NOL9: variants seen among roughly 807,000 people sequenced by gnomAD.
NOL9 encodes polynucleotide 5'-hydroxyl-kinase NOL9.
NOL9 carries 28 observed loss-of-function variants against 67.9 expected under a neutral mutation model. The ratio of observed to expected loss-of-function variants is 0.41; its 90% CI spans 0.31 to 0.57. The LOEUF (loss-of-function observed/expected upper bound fraction) is 0.57, where lower values mean the gene tolerates loss of function less well. NOL9 is among the 20% of genes least tolerant of loss of function. The pLI, the probability that NOL9 is intolerant of heterozygous loss-of-function variation, is 0.25. For missense variants in NOL9, 777 were observed against 897.0 expected, an observed-to-expected ratio of 0.87 and a Z score of 1.71; for synonymous variants, 356 against 352.2, an observed-to-expected ratio of 1.01 and a Z score of -0.12.
Position 6,541,358 on chromosome 1 carries a change from T to C in NOL9, c.1075+472A>G, listed in dbSNP as rs541535661. Among the ~76,000 whole-genome samples the C allele has an allele frequency of 2.0e-5, 3 of 152,210 alleles. No homozygotes were observed. In the South Asian group the frequency reaches 6.2e-4, roughly 32 times the overall value. Reference sequence around the variant, plus strand: ...CACCATGCCCAGCTAATTTTTGTATTTGTAGTAGAGATGGGGTTTCCCCAT... The same window carrying C: ...CACCATGCCCAGCTAATTTTTGTATCTGTAGTAGAGATGGGGTTTCCCCAT... On this transcript the variant is annotated intron_variant, in intron 6 of 11. Transcript: ENST00000377705.
At position 6,533,288 on chromosome 1, in the gene NOL9, C is replaced by T; in HGVS notation, c.1229G>A (p.Trp410Ter). The change falls in exon 7 of 12, where the codon TGG (tryptophan) becomes TAG (stop). Residue 410 changes from tryptophan (W) to a stop codon, truncating the protein, a stop_gained. Coordinates refer to ENST00000377705, the MANE Select transcript of NOL9 (RefSeq NM_024654.5). LOFTEE classifies it high-confidence loss of function. ...ESPLIVNTMGWVSDQGLLLLI... is the reference protein window; with the variant it reads ...ESPLIVNTMG ...TGCACATGCAGGCTTACCTGAAACC[C>T]ATCCCATAGTGTTGACGATGAGAGG... is the stretch of plus-strand genomic sequence containing the variant. The T allele has an allele frequency of 6.3e-7, 1 of 1,596,486 alleles. No individual in the cohort carries two copies.
intron 10 of NOL9, 23 bp downstream of exon 10, chr1:6,528,971 A>G (rs1638955224): frequency 6.2e-7 from 1 of 1,611,490 alleles, no homozygotes; most frequent in African/African-American, 1.3e-5. Flanking sequence ...AGGTTTATGG[A>G]TATGTTTTAC....
chr1:6,533,372 T>C lies in NOL9; in HGVS notation c.1145A>G (p.Asn382Ser), dbSNP rs1250543755. 33 of 1,613,412 alleles carry C rather than the reference T, an allele frequency of 2.0e-5. No individual in the cohort carries two copies. Among genetic ancestry groups the C allele is most frequent in the Non-Finnish European group, 2.6e-5 (31 of 1,179,622 alleles). The change falls in exon 7 of 12, where the codon AAC (asparagine) becomes AGC (serine). Residue 382 changes from asparagine to serine, a missense_variant. By Grantham distance (46) the Asn-to-Ser change is conservative. Coordinates refer to ENST00000377705, the MANE Select transcript of NOL9 (RefSeq NM_024654.5). ...VYYGKPSCKN[N>S]YENYIDIVKY... ...CACTATGTCAATATAATTCTCATAG[T>C]TGTTTTTACAAGAAGGTTTCCCATA...
At position 6,526,014 on chromosome 1, in the gene NOL9, AAC is replaced by A. The variant is rs1464723593; in HGVS notation, c.1960-13_1960-12del. The A allele has an allele frequency of 1.2e-5, 19 of 1,612,410 alleles. No individual in the cohort carries two copies. The highest frequency in any genetic ancestry group is 3.3e-4 in the Middle Eastern group (2 of 6,082). On this transcript the variant is annotated splice_polypyrimidine_tract_variant and intron_variant, in intron 11 of 11. Transcript: ENST00000377705. ...CCCTTCGATCCCACGCTGAAACGGA[AAC>A]ACAGAGAATGCATGGAAACACTCCA...
rs776641506 is a variant in NOL9 at position 6,526,712 on chromosome 1, C to A, written c.1943G>T (p.Cys648Phe). ...AAGGCTCACCTGGCACTTAAGGACA[C>A]AATGTGGAATGGCAATAGCTCCAAC... ...LLVGAIAIPH[C>F]VLKCQRGIEG... Residue 648 changes from cysteine to phenylalanine, a missense_variant, in exon 11 of 12, where the codon TGT becomes TTT. Coordinates refer to ENST00000377705, the MANE Select transcript of NOL9 (RefSeq NM_024654.5). The A allele has an allele frequency of 1.2e-6, 2 of 1,613,204 alleles. No homozygotes were observed. The highest frequency in any genetic ancestry group is 4.5e-5 in the East Asian group (2 of 44,872).
intron 1 of NOL9, 62 bp downstream of exon 1, chr1:6,554,045 C>T: frequency 7.2e-7 from 1 of 1,386,942 alleles, no homozygotes; most frequent in Admixed American, 2.3e-5. Flanking sequence ...CTGCAGCTCT[C>T]CCGGGGCTGC....
chr1:6,532,779 A>T lies in NOL9; in HGVS notation c.1238-19T>A, dbSNP rs1288011274. 1 of 1,599,674 alleles carries T rather than the reference A, an allele frequency of 6.3e-7. No individual in the cohort carries two copies. Among genetic ancestry groups the T allele is most frequent in the Non-Finnish European group, 8.5e-7 (1 of 1,171,510 alleles). Reference sequence around the variant, plus strand: ...CCCTGGTCTGTGGGGAAGAGACATTAGCACAGCTGATACACTCAAGAACAG... The same window carrying T: ...CCCTGGTCTGTGGGGAAGAGACATTTGCACAGCTGATACACTCAAGAACAG... On this transcript the variant is annotated intron_variant, in intron 7 of 11. Coordinates refer to ENST00000377705, the MANE Select transcript of NOL9 (RefSeq NM_024654.5).
In NOL9 at chr1:6,544,458, C is replaced by A. The variant is rs1253785711; in HGVS notation, c.977+368G>T. Among the ~76,000 whole-genome samples, 4 of 151,938 alleles carry A rather than the reference C, an allele frequency of 2.6e-5. No homozygotes were observed. The East Asian group carries it at 7.7e-4, about 29-fold the overall frequency. ...ATCACTTGAGCCCAGGAGTTCAAGACTATGAGGTATGACTGTGCCACTGCA... is the reference window on the plus strand; with the variant it reads ...ATCACTTGAGCCCAGGAGTTCAAGAATATGAGGTATGACTGTGCCACTGCA... On this transcript the variant is annotated intron_variant, in intron 5 of 11. Transcript: ENST00000377705.
At chr1:6,547,218 A>G (rs1360828370) in intron 3 of NOL9, among the ~76,000 whole-genome samples, 1 of 151,988 alleles carries the variant, frequency 6.6e-6, no homozygotes, top group East Asian at 1.9e-4. Flanking sequence ...AGGCTCCCAT[A>G]TTTACACCTC....
At chr1:6,532,789 A>G in intron 7 of NOL9, 29 bp from the exon 8 acceptor site, 1 of 1,588,058 alleles carries the variant, frequency 6.3e-7, no homozygotes, top group Non-Finnish European at 8.6e-7. Context: ...AGCACAGCTG[A>G]TACACTCAAG....
intron 6 of NOL9, among the ~76,000 whole-genome samples, chr1:6,541,461 T>A (rs908986112): frequency 2.8e-4 from 43 of 152,138 alleles, no homozygotes; most frequent in Non-Finnish European, 5.7e-4. Context: ...GGATTACAAG[T>A]GTGAGCCACC....
In NOL9 at chr1:6,532,680, T is replaced by C. The variant is rs1044269679; in HGVS notation, c.1318A>G (p.Lys440Glu). The C allele has an allele frequency of 1.9e-6, 3 of 1,614,060 alleles. No individual in the cohort carries two copies. In the African/African-American group the frequency reaches 4.0e-5, roughly 22 times the overall value. Residue 440 changes from lysine to glutamate, a missense_variant, in exon 8 of 12, where the codon AAA becomes GAA. Physicochemically the swap from Lys to Glu is moderately conservative, Grantham distance 56. Transcript: ENST00000377705. ...TGCGGGGTAAGGTCTGGCATATATT[T>C]ACTGTGGTCAGAGCGGAACTGAACC... ...HVVQFRSDHS[K>E]YMPDLTPQYV...
Position 6,522,519 on chromosome 1 carries a change from C to T in NOL9, c.*3335G>A, listed in dbSNP as rs1638791912. On this transcript the variant is annotated 3_prime_UTR_variant, in exon 12 of 12. Coordinates refer to ENST00000377705, the MANE Select transcript of NOL9 (RefSeq NM_024654.5). ...GACCTGAGATCAGGCCACTGCACTC[C>T]AGCCTTGGCGACAGAGAGTCCGTCG... 1 of 151,914 alleles carries T rather than the reference C, an allele frequency of 6.6e-6. No individual in the cohort carries two copies. Among genetic ancestry groups the T allele is most frequent in the African/African-American group, 2.4e-5 (1 of 41,322 alleles). The allele number at this position is 151,914 out of a possible 1,614,324, so 9.4% of individuals were successfully genotyped here.
chr1:6,542,845 G>A (rs1315508806), intron 5 of NOL9, among the ~76,000 whole-genome samples: 1 of 152,150 alleles, frequency 6.6e-6, no homozygotes, highest in African/African-American at 2.4e-5. Context: ...ACCTGCCTCG[G>A]CCTCCCAAAG....
In NOL9 at chr1:6,525,149, T is replaced by C. The variant is rs80274294; in HGVS notation, c.*705A>G. ...TATCTATCAAACCCGTTTAAATTTT[T>C]CTTTTCTTTTTTAAAAGATAAGGTC... On this transcript the variant is annotated 3_prime_UTR_variant, in exon 12 of 12. Transcript: ENST00000377705. 6.6e-6 allele frequency: 1 copy of C among 152,074 alleles called. No individual in the cohort carries two copies. The highest frequency in any genetic ancestry group is 1.5e-5 in the Non-Finnish European group (1 of 68,026). The allele number at this position is 152,074 out of a possible 1,614,324, so 9.4% of individuals were successfully genotyped here.
intron 1 of NOL9, among the ~76,000 whole-genome samples, chr1:6,552,678 C>T (rs1191795402): frequency 1.3e-5 from 2 of 151,874 alleles, no homozygotes; most frequent in African/African-American, 4.8e-5. Context: ...CCATATTGGC[C>T]AGGCTGGTCT....
chr1:6,521,674 C>A lies in NOL9; in HGVS notation c.*4180G>T, dbSNP rs1398262434. On this transcript the variant is annotated 3_prime_UTR_variant, in exon 12 of 12. Transcript: ENST00000377705. ...TAGCAACAATTTTAAGGTGAACCTG[C>A]CAGAGGCAAGATGAGTAAGTAGCTG... The A allele has an allele frequency of 6.6e-6, 1 of 152,174 alleles. No homozygotes were observed. Among genetic ancestry groups the A allele is most frequent in the African/African-American group, 2.4e-5 (1 of 41,440 alleles). The allele number at this position is 152,174 out of a possible 1,614,324, so 9.4% of individuals were successfully genotyped here. A position where few individuals can be genotyped will look rare whatever the true frequency, so the allele number is the denominator to read the frequency against.
intron 3 of NOL9, 165 bp downstream of exon 3, chr1:6,549,406 G>C (rs529842555): frequency 1.4e-4 from 98 of 691,972 alleles, no homozygotes; most frequent in Non-Finnish European, 1.4e-4. Flanking sequence ...CATTTTTCAC[G>C]ATACACCTTT....
rs1638769182 is a variant in NOL9 at position 6,521,442 on chromosome 1, A to T, written c.*4412T>A. ...TACATATTTTGTAAAATACACACAC[A>T]CACAGCAGAACCCCAGCTGAGACAC... On this transcript the variant is annotated 3_prime_UTR_variant, in exon 12 of 12. Coordinates refer to ENST00000377705, the MANE Select transcript of NOL9 (RefSeq NM_024654.5). 6.6e-6 allele frequency: 1 copy of T among 152,222 alleles called. No individual in the cohort carries two copies. Among genetic ancestry groups the T allele is most frequent in the South Asian group, 2.1e-4 (1 of 4,834 alleles). The allele number at this position is 152,222 out of a possible 1,614,324, so 9.4% of individuals were successfully genotyped here.
Sources: gnomAD v4.1 joint callset for allele counts (sites outside exome capture counted in the v4.1 genomes callset) on GRCh38, gnomAD v4.1.1 for gene constraint, MANE v1.5 for transcripts, NCBI Gene and HGNC (gene_info 2026-07-23, HGNC 2026-07-21) for gene names.